The following KCNAB1 variants were observed in gnomAD, a reference collection of about 807,000 sequenced individuals.
The protein encoded by KCNAB1 is voltage-gated potassium channel subunit beta-1.
A neutral mutation model predicts 64.6 loss-of-function variants in KCNAB1; 35 were observed. The observed-to-expected ratio is 0.54, with a 90% confidence interval of 0.41 to 0.72. The LOEUF is 0.72. Ranked by LOEUF, KCNAB1 falls within the 30% of genes least tolerant of loss-of-function variation. The pLI is 0.00. For missense variants in KCNAB1, 401 were observed against 512.9 expected (o/e 0.78, Z 2.11); for synonymous variants, 177 against 183.8 (o/e 0.96, Z 0.30).
chr3:156,330,792 T>C (rs1302730903), intron 1 of KCNAB1, among the ~76,000 whole-genome samples: 1 of 152,188 alleles, frequency 6.6e-6, no homozygotes, highest in Non-Finnish European at 1.5e-5. Flanking sequence ...TTAGTGCTTT[T>C]GGTAAGCCTC....
intron 1 of KCNAB1, among the ~76,000 whole-genome samples, chr3:156,393,026 G>C (rs987267002): frequency 6.6e-6 from 1 of 152,138 alleles, no homozygotes; most frequent in African/African-American, 2.4e-5. Context: ...GTGTGGGATG[G>C]CTGTTATTTT....
Position 156,242,318 on chromosome 3 carries a change from G to A in KCNAB1, c.275+121432G>A, listed in dbSNP as rs1717205756. 2.6e-5 allele frequency among the ~76,000 whole-genome samples: 4 copies of A among 151,350 alleles called. No individual in the cohort carries two copies. In the South Asian group the frequency reaches 8.4e-4, roughly 32 times the overall value. On this transcript the variant is annotated intron_variant, in intron 1 of 13. Transcript: ENST00000490337. ...TTAATTTTTTATTTCCCTAAGTTTT[G>A]GGGGAACAGGTGATATTTGGTTACA...
At chr3:156,495,089 T>C (rs1475907078) in intron 8 of KCNAB1, among the ~76,000 whole-genome samples, 3 of 152,140 alleles carry the variant, frequency 2.0e-5, no homozygotes, top group Non-Finnish European at 4.4e-5. Context: ...GTTCTCATCA[T>C]TCGGCTCCCA....
At chr3:156,430,159 C>G (rs1014796258) in intron 2 of KCNAB1, among the ~76,000 whole-genome samples, 28 of 152,228 alleles carry the variant, frequency 1.8e-4, no homozygotes, top group Non-Finnish European at 3.7e-4. Flanking sequence ...GGCCACATGG[C>G]TTTGCCTCTG....
rs112083281 is a variant in KCNAB1, at chr3:156,301,059, G to T, written c.276-120557G>T. On this transcript the variant is annotated intron_variant, in intron 1 of 13. Coordinates refer to ENST00000490337, the MANE Select transcript of KCNAB1 (RefSeq NM_172160.3). ...CTCAACTCCAGAAATTACAAGCACC[G>T]AGCTCCTCATGATTAGTTCATATCT... 1.4e-3 allele frequency among the ~76,000 whole-genome samples: 220 copies of T among 152,184 alleles called. 1 individual carries two copies. Among genetic ancestry groups the T allele is most frequent in the African/African-American group, 4.4e-3 (181 of 41,548 alleles).
At chr3:156,525,760 T>C (rs11714697) in intron 12 of KCNAB1, among the ~76,000 whole-genome samples, 42,555 of 152,206 alleles carry the variant, frequency 0.28, 6,398 homozygotes, top group African/African-American at 0.37. Context: ...GTGATCCGCC[T>C]GCCTTGGCCG....
intron 3 of KCNAB1, chr3:156,455,958 G>GGCCC (rs1286426428): frequency 6.6e-6 from 1 of 152,330 alleles, no homozygotes; most frequent in African/African-American, 2.4e-5. Context: ...CTCACTCGTA[G>GGCCC]GCCCCCCAGG....
intron 4 of KCNAB1, among the ~76,000 whole-genome samples, chr3:156,458,992 C>T (rs930291913): frequency 3.3e-5 from 5 of 152,192 alleles, no homozygotes; most frequent in African/African-American, 1.2e-4. Context: ...TTATTGCAAG[C>T]TATACACTCT....
chr3:156,525,793 C>T (rs1474685391), intron 12 of KCNAB1, among the ~76,000 whole-genome samples: 2 of 152,202 alleles, frequency 1.3e-5, no homozygotes, highest in African/African-American at 2.4e-5. Flanking sequence ...GGATTACAGG[C>T]ATGAGCCACT....
rs1016875984 is a variant in KCNAB1 at position 156,508,635 on chromosome 3, G to A, written c.659-5729G>A. On this transcript the variant is annotated intron_variant, in intron 8 of 13. Transcript: ENST00000490337. The surrounding 1 kb of genome is among the most constrained non-coding windows in gnomAD (Gnocchi z 4.1). ...GAAACCTGGGCCATTTTCAGTTTGT[G>A]TTACTGTTTCAAATTCACAAGTTAT... Among the ~76,000 whole-genome samples, 1 of 152,166 alleles carries A rather than the reference G, an allele frequency of 6.6e-6. No individual in the cohort carries two copies. The highest frequency in any genetic ancestry group is 2.4e-5 in the African/African-American group (1 of 41,432).
At chr3:156,151,925 G>A (rs1215791227) in intron 1 of KCNAB1, among the ~76,000 whole-genome samples, 1 of 152,150 alleles carries the variant, frequency 6.6e-6, no homozygotes, top group Non-Finnish European at 1.5e-5. Context: ...GAACAGTTCA[G>A]GAGAAATTAA....
chr3:156,218,775 A>G (rs1001894610), intron 1 of KCNAB1, among the ~76,000 whole-genome samples: 2 of 131,778 alleles, frequency 1.5e-5, no homozygotes, highest in African/African-American at 5.8e-5. Flanking sequence ...GGGTGGCTAG[A>G]CCCAGAACAG....
intron 1 of KCNAB1, among the ~76,000 whole-genome samples, chr3:156,256,431 A>G (rs970943889): frequency 1.3e-5 from 2 of 152,184 alleles, no homozygotes; most frequent in Non-Finnish European, 2.9e-5. Flanking sequence ...TACACAGAAC[A>G]CTCAGGACTG....
At chr3:156,259,156 G>A (rs1718284582) in intron 1 of KCNAB1, among the ~76,000 whole-genome samples, 1 of 152,166 alleles carries the variant, frequency 6.6e-6, no homozygotes, top group East Asian at 1.9e-4. Flanking sequence ...CTGGCAGCTA[G>A]GAGTTTTGCC....
At chr3:156,154,803 G>A (rs1281962992) in intron 1 of KCNAB1, among the ~76,000 whole-genome samples, 1 of 152,178 alleles carries the variant, frequency 6.6e-6, no homozygotes. Context: ...TGGCAGTGGA[G>A]GGGTCATGCG....
intron 1 of KCNAB1, among the ~76,000 whole-genome samples, chr3:156,320,315 T>A (rs1425071907): frequency 6.6e-6 from 1 of 152,222 alleles, no homozygotes; most frequent in African/African-American, 2.4e-5. Context: ...AAAGGCTTAC[T>A]TGTTTCTGTA....
At chr3:156,437,997 G>A (rs1716705527) in intron 2 of KCNAB1, among the ~76,000 whole-genome samples, 1 of 152,150 alleles carries the variant, frequency 6.6e-6, no homozygotes, top group South Asian at 2.1e-4. Flanking sequence ...TACAGTCACA[G>A]GGGGAGCTTT....
intron 1 of KCNAB1, among the ~76,000 whole-genome samples, chr3:156,235,298 C>A (rs1716780984): frequency 6.6e-6 from 1 of 152,250 alleles, no homozygotes; most frequent in Non-Finnish European, 1.5e-5. Context: ...TCTGGCATCA[C>A]AACCATGGTT....
chr3:156,466,093 C>G (rs1267054336), intron 7 of KCNAB1, among the ~76,000 whole-genome samples: 1 of 151,954 alleles, frequency 6.6e-6, no homozygotes, highest in East Asian at 1.9e-4. Flanking sequence ...TTTTATCCCC[C>G]CTAAAATAAA....
Sources: gnomAD v4.1 joint callset for allele counts (sites outside exome capture counted in the v4.1 genomes callset) on GRCh38, gnomAD v4.1.1 for gene constraint, Gnocchi (gnomAD v3.1) non-coding constraint, MANE v1.5 for transcripts, NCBI Gene and HGNC (gene_info 2026-07-23, HGNC 2026-07-21) for gene names.